The following GPHN variants were observed in gnomAD, a reference collection of about 807,000 sequenced individuals.
GPHN encodes the protein gephyrin.
A neutral mutation model predicts 95.5 loss-of-function variants in GPHN; 17 were observed. That is an observed-to-expected ratio of 0.18 (90% CI 0.12 to 0.27). GPHN has a LOEUF of 0.27. Ranked by LOEUF, GPHN falls within the 10% of genes least tolerant of loss-of-function variation. GPHN has a pLI of 1.00. For missense variants in GPHN, 660 were observed against 978.1 expected (o/e 0.67, Z 4.34); for synonymous variants, 320 against 322.5 (o/e 0.99, Z 0.08).
chr14:67,312,417 A>C, the GPHN span: 1 of 770,698 alleles, frequency 1.3e-6, no homozygotes. Flanking sequence ...GTCTCTATTA[A>C]ATTTTTTTAA....
intron 9 of GPHN, among the ~76,000 whole-genome samples, chr14:66,972,030 G>A (rs913444791): frequency 1.2e-4 from 19 of 152,190 alleles, no homozygotes; most frequent in African/African-American, 4.6e-4. Context: ...CACTTTGGGA[G>A]GCTGAGGCAG....
rs922596042 is a variant in GPHN, at chr14:66,904,061, C to T, written c.390-11942C>T. On this transcript the variant is annotated intron_variant, in intron 5 of 22. Coordinates refer to ENST00000478722, the MANE Select transcript of GPHN (RefSeq NM_020806.5). ...GTTTGTGATATATTTATCTATTCGC[C>T]TTCATACTGGAGTTATGATTGTGTG... 4.6e-5 allele frequency among the ~76,000 whole-genome samples: 7 copies of T among 152,064 alleles called. No individual in the cohort carries two copies. The East Asian group carries it at 7.7e-4, about 17-fold the overall frequency.
intron 1 of GPHN, among the ~76,000 whole-genome samples, chr14:66,655,519 A>G (rs756460822): frequency 6.6e-5 from 10 of 152,146 alleles, no homozygotes; most frequent in South Asian, 4.2e-4. Context: ...GGGATTTTCT[A>G]TGTTGACAAA....
intron 2 of GPHN, among the ~76,000 whole-genome samples, chr14:66,705,934 A>G (rs967953253): frequency 6.6e-6 from 1 of 152,008 alleles, no homozygotes; most frequent in African/African-American, 2.4e-5. Context: ...CAGCCTAAAA[A>G]CTCTTTAAAT....
At chr14:66,574,221 C>T (rs779829587) in intron 1 of GPHN, among the ~76,000 whole-genome samples, 1 of 152,122 alleles carries the variant, frequency 6.6e-6, no homozygotes, top group Non-Finnish European at 1.5e-5. Flanking sequence ...AACATCTTGT[C>T]ACTCTAACAG....
At chr14:67,599,994 GAGC>G in the GPHN span, 1 of 1,527,904 alleles carries the variant, frequency 6.5e-7, no homozygotes, top group Non-Finnish European at 8.8e-7. Flanking sequence ...CCCCTCCTTC[GAGC>G]GCGGGGAGGG....
At chr14:67,090,246 G>GT (rs1007199139) in intron 12 of GPHN, among the ~76,000 whole-genome samples, 40 of 151,940 alleles carry the variant, frequency 2.6e-4, no homozygotes, top group African/African-American at 8.0e-4. Flanking sequence ...TTTGGTTTTG[G>GT]TTTTTTTAGC....
intron 13 of GPHN, among the ~76,000 whole-genome samples, chr14:67,107,017 G>A (rs931335228): frequency 6.6e-6 from 1 of 152,064 alleles, no homozygotes; most frequent in African/African-American, 2.4e-5. Context: ...AAAGGGTATG[G>A]TGACTTTCTG....
chr14:67,650,078 A>C, the GPHN span: 1 of 152,294 alleles, frequency 6.6e-6, no homozygotes, highest in East Asian at 1.9e-4. Flanking sequence ...ATATGGCTGA[A>C]TTTTCTCTTG....
the GPHN span, chr14:67,653,365 A>C: frequency 2.9e-6 from 4 of 1,367,336 alleles, no homozygotes; most frequent in Non-Finnish European, 4.1e-6. Context: ...GACCTTTGTA[A>C]GTCACTATTT....
chr14:67,552,139 T>A, the GPHN span, among the ~76,000 whole-genome samples: 44,789 of 152,050 alleles, frequency 0.29, 7,001 homozygotes, highest in East Asian at 0.48. Flanking sequence ...GCAGCTTATG[T>A]GTCTTATGTG....
At chr14:67,513,887 A>G in the GPHN span, among the ~76,000 whole-genome samples, 1 of 152,322 alleles carries the variant, frequency 6.6e-6, no homozygotes, top group East Asian at 1.9e-4. Context: ...TCCTGGAGAC[A>G]TAAGGCCAAG....
At chr14:67,660,421 A>AC in the GPHN span, among the ~76,000 whole-genome samples, 1 of 152,218 alleles carries the variant, frequency 6.6e-6, no homozygotes, top group East Asian at 1.9e-4. Flanking sequence ...TATATAAAAA[A>AC]TTAAACAGAA....
At chr14:66,923,184 T>A (rs1247798293) in intron 7 of GPHN, among the ~76,000 whole-genome samples, 1 of 152,190 alleles carries the variant, frequency 6.6e-6, no homozygotes, top group Non-Finnish European at 1.5e-5. Flanking sequence ...AAGTAATAGC[T>A]ACAATGATAA....
chr14:67,333,363 T>G, the GPHN span: 2 of 154,974 alleles, frequency 1.3e-5, no homozygotes, highest in African/African-American at 4.8e-5. Flanking sequence ...AACACTTAAA[T>G]GACTTCATTG....
intron 9 of GPHN, among the ~76,000 whole-genome samples, chr14:66,980,993 G>A (rs2070627341): frequency 1.3e-5 from 2 of 152,190 alleles, no homozygotes; most frequent in Non-Finnish European, 2.9e-5. Flanking sequence ...AGGTTGCGGT[G>A]AGCCGAGATT....
intron 9 of GPHN, chr14:66,968,969 T>A (rs1170510164): frequency 6.6e-6 from 1 of 152,164 alleles, no homozygotes; most frequent in Admixed American, 6.5e-5. Flanking sequence ...TTTAAGATTC[T>A]CCAGCTATAG....
chr14:67,062,263 A>G (rs1037423764), intron 11 of GPHN, among the ~76,000 whole-genome samples: 22 of 152,216 alleles, frequency 1.4e-4, no homozygotes, highest in Non-Finnish European at 2.6e-4. Context: ...TTTCAGCTAG[A>G]TGTACCTCTA....
chr14:66,916,415 G>T (rs2065902167), intron 6 of GPHN, among the ~76,000 whole-genome samples: 1 of 146,764 alleles, frequency 6.8e-6, no homozygotes, highest in Non-Finnish European at 1.5e-5. Flanking sequence ...TGGCATTCGT[G>T]TATGATAATA....
Sources: gnomAD v4.1 joint callset for allele counts (sites outside exome capture counted in the v4.1 genomes callset) on GRCh38, gnomAD v4.1.1 for gene constraint, MANE v1.5 for transcripts, NCBI Gene and HGNC (gene_info 2026-07-23, HGNC 2026-07-21) for gene names.